POU2F2: variants seen among roughly 807,000 people sequenced by gnomAD.
The protein encoded by POU2F2 is POU class 2 homeobox 2, also known as POU domain, class 2, transcription factor 2.
Under a neutral mutation model 63.5 loss-of-function variants are expected in POU2F2, and 14 were observed. The observed-to-expected ratio is 0.22, with a 90% CI of 0.15 to 0.34. The LOEUF is 0.34. Ranked by LOEUF, POU2F2 falls within the 10% of genes least tolerant of loss-of-function variation. The probability of loss-of-function intolerance (pLI) is 1.00; values close to 1 mark genes in which losing one functional copy is unlikely to be tolerated. For synonymous variants in POU2F2, 306 were observed against 348.6 expected, an observed-to-expected ratio of 0.88 and a Z score of 1.36; for missense variants, 607 against 815.2, an observed-to-expected ratio of 0.74 and a Z score of 3.11.
At position 42,117,106 on chromosome 19, in the gene POU2F2, A is replaced by C. The variant is rs1600098548; in HGVS notation, c.369+144T>G. The C allele has an allele frequency of 9.6e-6, 7 of 729,040 alleles. No homozygotes were observed. In the South Asian group the frequency reaches 1.2e-4, roughly 13 times the overall value. The allele number at this position is 729,040 out of a possible 1,614,324, so 45.2% of individuals were successfully genotyped here. On this transcript the variant is annotated intron_variant, in intron 5 of 14. Transcript: ENST00000692977. The surrounding 1 kb of genome is among the most constrained non-coding windows in gnomAD (Gnocchi z 4.4). ...CCTAAGCCAAGCAAGTAAGGGGACAAGACCTCCTAGAGGACAGAAGAGGGC... is the reference window on the plus strand; with the variant it reads ...CCTAAGCCAAGCAAGTAAGGGGACACGACCTCCTAGAGGACAGAAGAGGGC...
chr19:42,175,339 G>C (rs2034853151), intron 1 of POU2F2, among the ~76,000 whole-genome samples: 1 of 152,176 alleles, frequency 6.6e-6, no homozygotes. Context: ...TCCTGCCTTT[G>C]CATGGAGCCC....
intron 1 of POU2F2, among the ~76,000 whole-genome samples, chr19:42,123,736 C>G (rs1029647555): frequency 3.3e-5 from 5 of 152,182 alleles, no homozygotes; most frequent in African/African-American, 1.2e-4. Context: ...CCAAGCTCAT[C>G]CTGAAACTGA....
At chr19:42,167,226 G>A (rs1237310611) in intron 1 of POU2F2, among the ~76,000 whole-genome samples, 6 of 152,282 alleles carry the variant, frequency 3.9e-5, no homozygotes, top group South Asian at 2.1e-4. Flanking sequence ...AGGCCGTGGC[G>A]GGCAGATCAC....
Position 42,153,174 on chromosome 19 carries a change from G to A in POU2F2, c.-9+7158C>T, listed in dbSNP as rs1231085238. Among the ~76,000 whole-genome samples, 5 of 152,182 alleles carry A rather than the reference G, an allele frequency of 3.3e-5. No individual in the cohort carries two copies. Among genetic ancestry groups the A allele is most frequent in the African/African-American group, 4.8e-5 (2 of 41,434 alleles). ...TTCCAGCGAGAGGTCTGTGGTGTGC[G>A]AGCTGCCATGGACGCAGGGTGTGCA... is the stretch of plus-strand genomic sequence containing the variant. On this transcript the variant is annotated intron_variant, in intron 2 of 6. Transcript: ENST00000524801. The surrounding 1 kb of genome is among the most constrained non-coding windows in gnomAD (Gnocchi z 5.6).
At position 42,117,145 on chromosome 19, in the gene POU2F2, G is replaced by T; in HGVS notation, c.369+105C>A. 1 of 957,370 alleles carries T rather than the reference G, an allele frequency of 1.0e-6. No individual in the cohort carries two copies. Among genetic ancestry groups the T allele is most frequent in the Non-Finnish European group, 1.6e-6 (1 of 639,812 alleles). 59.3% of individuals were successfully genotyped at this position (957,370 alleles called of 1,614,324 possible). A position where few individuals can be genotyped will look rare whatever the true frequency, so the allele number is the denominator to read the frequency against. ...ACAGAAGAGGGCAAGAGGCAGGTGT[G>T]AGAGAGTGGCCATGGCCTTGGTGGA... On this transcript the variant is annotated intron_variant, in intron 5 of 14. Coordinates refer to ENST00000692977, the MANE Select transcript of POU2F2 (RefSeq NM_001394376.1). The surrounding 1 kb of genome is among the most constrained non-coding windows in gnomAD (Gnocchi z 4.4).
chr19:42,119,926 AT>A (rs60722389), intron 4 of POU2F2, among the ~76,000 whole-genome samples: 8 of 149,698 alleles, frequency 5.3e-5, no homozygotes, highest in Middle Eastern at 3.2e-3. Flanking sequence ...TTTTATTTTA[AT>A]TTTTTTTTTG....
rs1266498132 is a variant in POU2F2, at chr19:42,153,874, A to G, written c.-9+6458T>C. ...ACGGAGACACTGGCTAGCCGGTTTT[A>G]TCACTACATCATCTCCAAATCCCAA... On this transcript the variant is annotated intron_variant, in intron 2 of 6. Transcript: ENST00000524801. The surrounding 1 kb of genome is among the most constrained non-coding windows in gnomAD (Gnocchi z 5.6). 3.9e-5 allele frequency among the ~76,000 whole-genome samples: 6 copies of G among 152,032 alleles called. No individual in the cohort carries two copies. The highest frequency in any genetic ancestry group is 8.8e-5 in the Non-Finnish European group (6 of 67,982).
chr19:42,109,643 A>T (rs892726173), intron 5 of POU2F2, among the ~76,000 whole-genome samples: 7 of 152,090 alleles, frequency 4.6e-5, no homozygotes, highest in Admixed American at 1.3e-4. Flanking sequence ...TTTTAGTTTT[A>T]GTTTTTGTTT....
At chr19:42,099,422 G>C (rs1486055659) in intron 7 of POU2F2, 105 bp downstream of exon 7, 1 of 1,007,510 alleles carries the variant, frequency 9.9e-7, no homozygotes, top group East Asian at 2.6e-5. Flanking sequence ...AGTGTGGCTG[G>C]GTCAAATGGA....
chr19:42,175,557 TG>T (rs2034858083), intron 1 of POU2F2, among the ~76,000 whole-genome samples: 1 of 144,210 alleles, frequency 6.9e-6, no homozygotes, highest in Non-Finnish European at 1.5e-5. Context: ...AACTAAGGGG[TG>T]GGGAGGAGGA....
intron 1 of POU2F2, chr19:42,196,297 C>G (rs1443374353): frequency 1.3e-5 from 2 of 152,226 alleles, no homozygotes; most frequent in African/African-American, 4.8e-5. Context: ...CCTGTGTCCC[C>G]ACCTGTGCCT....
rs1362496655 is a variant in POU2F2, at chr19:42,086,772, T to C, written c.*4485A>G. The stretch of plus-strand genomic sequence containing the variant: ...TGAGCCCCTGGGTTTGGGGGACATA[T>C]TGGGGGAGGGGCAGCAAGGATAGAG... On this transcript the variant is annotated 3_prime_UTR_variant, in exon 15 of 15. Coordinates refer to ENST00000692977, the MANE Select transcript of POU2F2 (RefSeq NM_001394376.1). 1 of 151,676 alleles carries C rather than the reference T, an allele frequency of 6.6e-6. No homozygotes were observed. Among genetic ancestry groups the C allele is most frequent in the Non-Finnish European group, 1.5e-5 (1 of 67,964 alleles). 9.4% of individuals were successfully genotyped at this position (151,676 alleles called of 1,614,324 possible).
chr19:42,182,664 T>C (rs1389615165), intron 1 of POU2F2, among the ~76,000 whole-genome samples: 1 of 152,088 alleles, frequency 6.6e-6, no homozygotes, highest in Non-Finnish European at 1.5e-5. Context: ...AATCACAACC[T>C]AGCTCCCTAG....
At chr19:42,126,300 G>T (rs374000525) in intron 1 of POU2F2, among the ~76,000 whole-genome samples, 2 of 151,968 alleles carry the variant, frequency 1.3e-5, no homozygotes, top group African/African-American at 4.8e-5. Context: ...AAAATTAGCC[G>T]GGCATGGTAG....
intron 2 of POU2F2, among the ~76,000 whole-genome samples, chr19:42,145,507 C>T (rs1299068439): frequency 6.6e-6 from 1 of 152,210 alleles, no homozygotes; most frequent in East Asian, 1.9e-4. Flanking sequence ...TGCCTGTCAT[C>T]GTTGAAGCAA....
intron 1 of POU2F2, among the ~76,000 whole-genome samples, chr19:42,188,281 A>T (rs1422788519): frequency 6.6e-6 from 1 of 150,986 alleles, no homozygotes; most frequent in East Asian, 2.0e-4. Flanking sequence ...TGGGAGGATC[A>T]CCTAAGTCTG....
chr19:42,172,822 G>T (rs2034797249), intron 1 of POU2F2, among the ~76,000 whole-genome samples: 1 of 152,188 alleles, frequency 6.6e-6, no homozygotes, highest in Non-Finnish European at 1.5e-5. Context: ...CAGGTCCTGG[G>T]AGACAGGTCT....
intron 1 of POU2F2, among the ~76,000 whole-genome samples, chr19:42,166,958 G>A (rs753076565): frequency 2.0e-5 from 3 of 152,074 alleles, no homozygotes; most frequent in Non-Finnish European, 2.9e-5. Flanking sequence ...CAGGGGATCC[G>A]GCTTCAGTTC....
chr19:42,131,762 G>A (rs2033756296), intron 1 of POU2F2, among the ~76,000 whole-genome samples: 1 of 152,194 alleles, frequency 6.6e-6, no homozygotes, highest in Non-Finnish European at 1.5e-5. Flanking sequence ...GACTGAGAGT[G>A]ACAGGATCAG....
Sources: gnomAD v4.1 joint callset for allele counts (sites outside exome capture counted in the v4.1 genomes callset) on GRCh38, gnomAD v4.1.1 for gene constraint, Gnocchi (gnomAD v3.1) non-coding constraint, MANE v1.5 for transcripts, NCBI Gene and HGNC (gene_info 2026-07-23, HGNC 2026-07-21) for gene names.